Variants in MPPED2 observed in about 807,000 individuals in gnomAD.
MPPED2 encodes metallophosphoesterase MPPED2.
MPPED2 carries 5 observed loss-of-function variants against 33.0 expected under a neutral mutation model. The ratio of observed to expected loss-of-function variants is 0.15; its 90% confidence interval spans 0.08 to 0.32. The LOEUF (loss-of-function observed/expected upper bound fraction) is 0.32. Among genes scored for constraint, MPPED2 ranks in the 10% least tolerant of loss-of-function variants. MPPED2 has a pLI of 1.00. For missense variants in MPPED2, 275 were observed against 372.1 expected (o/e 0.74, Z 2.15); for synonymous variants, 136 against 141.9 (o/e 0.96, Z 0.29).
At chr11:30,404,803 T>G (rs1036427966) in intron 6 of MPPED2, among the ~76,000 whole-genome samples, 1 of 152,234 alleles carries the variant, frequency 6.6e-6, no homozygotes, top group Non-Finnish European at 1.5e-5. Context: ...AGCACCTGGC[T>G]TATGGTGTTC....
intron 3 of MPPED2, among the ~76,000 whole-genome samples, chr11:30,529,151 T>G (rs12573854): frequency 6.6e-6 from 1 of 152,152 alleles, no homozygotes; most frequent in Non-Finnish European, 1.5e-5. Context: ...AGTTACAAGA[T>G]TACACTCATA....
intron 4 of MPPED2, among the ~76,000 whole-genome samples, chr11:30,440,312 A>G (rs905401652): frequency 2.0e-5 from 3 of 150,832 alleles, no homozygotes; most frequent in African/African-American, 7.3e-5. Context: ...CCTGGGTGAC[A>G]GCGTGAGACT....
intron 2 of MPPED2, among the ~76,000 whole-genome samples, chr11:30,573,205 C>T (rs960521549): frequency 3.9e-5 from 6 of 152,174 alleles, no homozygotes; most frequent in Non-Finnish European, 7.4e-5. Flanking sequence ...AATTTTCTAT[C>T]GCCTAATGAC....
At chr11:30,586,486 C>T (rs1053813816), upstream of MPPED2, among the ~76,000 whole-genome samples, 2 of 152,012 alleles carry the variant, frequency 1.3e-5, no homozygotes, top group Admixed American at 1.3e-4. The surrounding 1 kb of genome is among the most constrained non-coding windows in gnomAD (Gnocchi z 4.8). Flanking sequence ...CCCACTCGGA[C>T]CCCCACCGGT....
intron 4 of MPPED2, among the ~76,000 whole-genome samples, chr11:30,428,149 C>T (rs961393035): frequency 1.2e-4 from 19 of 152,152 alleles, no homozygotes; most frequent in African/African-American, 3.4e-4. Flanking sequence ...CAAAGGAAGT[C>T]TTAAATTCAT....
At chr11:30,466,193 T>C (rs1590388652) in intron 4 of MPPED2, among the ~76,000 whole-genome samples, 1 of 152,256 alleles carries the variant, frequency 6.6e-6, no homozygotes, top group East Asian at 1.9e-4. Context: ...TGTGGATTTC[T>C]ATATAGAATC....
At chr11:30,496,710 C>CGGGGGGG (rs145688798) in intron 3 of MPPED2, among the ~76,000 whole-genome samples, 4 of 120,640 alleles carry the variant, frequency 3.3e-5, no homozygotes, top group Non-Finnish European at 6.8e-5. Context: ...ATTTTGTGGG[C>CGGGGGGG]GGGGGGTGGG....
In MPPED2 at chr11:30,410,442, G is replaced by T; in HGVS notation, c.*1026C>A. 1 of 971,104 alleles carries T rather than the reference G, an allele frequency of 1.0e-6. No individual in the cohort carries two copies. Among genetic ancestry groups the T allele is most frequent in the Non-Finnish European group, 1.2e-6 (1 of 820,466 alleles). 60.2% of individuals were successfully genotyped at this position (971,104 alleles called of 1,614,324 possible). A position where few individuals can be genotyped will look rare whatever the true frequency, so the allele number is the denominator to read the frequency against. Reference sequence around the variant, plus strand: ...TCGACACACAGTGCAAAATGGGAGAGGGGAGAGGAAGTAAGAAGACAACTT... The same window carrying T: ...TCGACACACAGTGCAAAATGGGAGATGGGAGAGGAAGTAAGAAGACAACTT... On this transcript the variant is annotated 3_prime_UTR_variant, in exon 7 of 7. Transcript: ENST00000358117.
At chr11:30,553,699 G>A (rs1024841060) in intron 2 of MPPED2, among the ~76,000 whole-genome samples, 1 of 152,128 alleles carries the variant, frequency 6.6e-6, no homozygotes, top group African/African-American at 2.4e-5. Flanking sequence ...GCTTTGTCAG[G>A]ATAAGAGCTG....
intron 3 of MPPED2, among the ~76,000 whole-genome samples, chr11:30,508,407 T>C (rs1590635529): frequency 6.6e-6 from 1 of 152,208 alleles, no homozygotes; most frequent in African/African-American, 2.4e-5. Flanking sequence ...ATGCATACAC[T>C]CTGTCAAAGA....
chr11:30,409,887 A>T (rs1948045840), downstream of MPPED2, among the ~76,000 whole-genome samples: 1 of 152,156 alleles, frequency 6.6e-6, no homozygotes, highest in Non-Finnish European at 1.5e-5. Flanking sequence ...CTCTGTCATC[A>T]ACGGTTTCCC....
intron 3 of MPPED2, among the ~76,000 whole-genome samples, chr11:30,528,602 T>C (rs1012081033): frequency 1.3e-5 from 2 of 152,150 alleles, no homozygotes; most frequent in African/African-American, 4.8e-5. Context: ...CTTTCATAAT[T>C]AGAAAATCGT....
At chr11:30,498,473 C>T (rs995557233) in intron 3 of MPPED2, among the ~76,000 whole-genome samples, 8 of 150,898 alleles carry the variant, frequency 5.3e-5, no homozygotes, top group Non-Finnish European at 8.8e-5. Context: ...GCTTGAACCC[C>T]GGAGGTGCAG....
chr11:30,438,546 T>C (rs567731387), intron 4 of MPPED2, among the ~76,000 whole-genome samples: 2 of 152,250 alleles, frequency 1.3e-5, no homozygotes, highest in Admixed American at 1.3e-4. Context: ...TGCCATGTGC[T>C]GATGCATCAT....
intron 4 of MPPED2, among the ~76,000 whole-genome samples, chr11:30,428,162 A>G (rs2133828961): frequency 6.6e-6 from 1 of 152,342 alleles, no homozygotes; most frequent in Admixed American, 6.5e-5. Flanking sequence ...AAATTCATTC[A>G]TGGAATGAAT....
intron 6 of MPPED2, among the ~76,000 whole-genome samples, chr11:30,413,675 T>G (rs1336625803): frequency 6.6e-6 from 1 of 152,234 alleles, no homozygotes; most frequent in Non-Finnish European, 1.5e-5. Flanking sequence ...TTTCTGAGGT[T>G]AGTAAGGAAA....
In MPPED2 at chr11:30,410,751, A is replaced by AT. The variant is rs1174417737; in HGVS notation, c.*716dup. The AT allele has an allele frequency of 2.0e-4, 197 of 984,776 alleles. No individual in the cohort carries two copies. The highest frequency in any genetic ancestry group is 2.3e-4 in the Non-Finnish European group (188 of 828,970). 61.0% of individuals were successfully genotyped at this position (984,776 alleles called of 1,614,324 possible). A position where few individuals can be genotyped will look rare whatever the true frequency, so the allele number is the denominator to read the frequency against. Reference sequence around the variant, plus strand: ...ATATTGAAAAGGAGTCTGCATGTTCATTTTTTTAACCGTATGAAATACCTG... The same window carrying AT: ...ATATTGAAAAGGAGTCTGCATGTTCATTTTTTTTAACCGTATGAAATACCTG... On this transcript the variant is annotated 3_prime_UTR_variant, in exon 7 of 7. Coordinates refer to ENST00000358117, the MANE Select transcript of MPPED2 (RefSeq NM_001584.3).
chr11:30,536,203 C>G, intron 2 of MPPED2, 28 bp from the exon 3 acceptor site: 3 of 1,523,432 alleles, frequency 2.0e-6, no homozygotes, highest in Non-Finnish European at 2.6e-6. Flanking sequence ...GATCCCATAA[C>G]AGTTAAACAT....
chr11:30,504,654 G>T, intron 3 of MPPED2: 1 of 630,772 alleles, frequency 1.6e-6, no homozygotes, highest in Non-Finnish European at 2.5e-6. Context: ...GTCAGGGCAA[G>T]CTCTGTCTCT....
Sources: allele counts gnomAD v4.1 joint callset (sites outside exome capture counted in the v4.1 genomes callset), GRCh38; gene constraint gnomAD v4.1.1; non-coding constraint Gnocchi (gnomAD v3.1); transcripts MANE v1.5; gene names NCBI Gene and HGNC (gene_info 2026-07-23, HGNC 2026-07-21).